Variants in MYOF observed in about 807,000 individuals in gnomAD.
MYOF encodes the protein myoferlin, also known as fer-1-like 3, myoferlin.
A neutral mutation model predicts 284.2 loss-of-function variants in MYOF; 244 were observed. The observed-to-expected ratio is 0.86, with a 90% CI of 0.77 to 0.95. MYOF has a LOEUF of 0.95. MYOF is among the 40% of genes least tolerant of loss of function. The pLI is 0.00. For synonymous variants in MYOF, 904 were observed against 919.7 expected, an observed-to-expected ratio of 0.98 and a Z score of 0.31; for missense variants, 2,496 against 2,560.6, an observed-to-expected ratio of 0.97 and a Z score of 0.54.
chr10:93,356,624 T>C, intron 30 of MYOF, 51 bp downstream of exon 30: 3 of 1,565,666 alleles, frequency 1.9e-6, no homozygotes, highest in South Asian at 2.5e-5. Context: ...CCAACACTCA[T>C]ATATTTTCTC....
At chr10:93,343,820 A>G in intron 38 of MYOF, 36 bp downstream of exon 38, 2 of 1,605,582 alleles carry the variant, frequency 1.2e-6, no homozygotes, top group Admixed American at 1.7e-5. Flanking sequence ...TAGAAGATAA[A>G]ACTGACAGCA....
At chr10:93,328,669 G>A in intron 45 of MYOF, 94 bp downstream of exon 45, 5 of 1,289,992 alleles carry the variant, frequency 3.9e-6, no homozygotes, top group Non-Finnish European at 4.3e-6. Flanking sequence ...GTATAATTAG[G>A]GTACTGGCTC....
chr10:93,382,129 T>C (rs990841780), intron 19 of MYOF, among the ~76,000 whole-genome samples: 4 of 152,224 alleles, frequency 2.6e-5, no homozygotes, highest in Non-Finnish European at 5.9e-5. Flanking sequence ...GGAATATAAC[T>C]CAAATTGTTA....
chr10:93,396,939 T>G (rs902697749), intron 15 of MYOF, among the ~76,000 whole-genome samples: 3 of 152,246 alleles, frequency 2.0e-5, no homozygotes, highest in African/African-American at 7.2e-5. Flanking sequence ...CAAGAAATGC[T>G]TGACTGTATT....
At chr10:93,441,672 T>C (rs2056261641) in intron 3 of MYOF, among the ~76,000 whole-genome samples, 2 of 151,054 alleles carry the variant, frequency 1.3e-5, no homozygotes, top group African/African-American at 4.9e-5. Flanking sequence ...CAAGCGATTC[T>C]CCTACCTCAG....
Position 93,320,045 on chromosome 10 carries a change from A to G in MYOF, c.5457-32T>C, listed in dbSNP as rs772421183. On this transcript the variant is annotated intron_variant, in intron 48 of 53. Coordinates refer to ENST00000359263, the MANE Select transcript of MYOF (RefSeq NM_013451.4). Reference sequence around the variant, plus strand: ...GGCAGAGGCAAACAGACTTAGCTTCACGTGATTGACAAGTCATGTAGCCGC... The same window carrying G: ...GGCAGAGGCAAACAGACTTAGCTTCGCGTGATTGACAAGTCATGTAGCCGC... 5.0e-6 allele frequency: 8 copies of G among 1,611,608 alleles called. No individual in the cohort carries two copies. The Admixed American group carries it at 1.0e-4, about 20-fold the overall frequency.
chr10:93,340,172 T>C lies in MYOF; in HGVS notation c.4327-8A>G, dbSNP rs201261102. 6.2e-6 allele frequency: 10 copies of C among 1,613,918 alleles called. No individual in the cohort carries two copies. The highest frequency in any genetic ancestry group is 1.7e-5 in the Admixed American group (1 of 59,998). On this transcript the variant is annotated splice_polypyrimidine_tract_variant and splice_region_variant and intron_variant, in intron 38 of 53. Transcript: ENST00000359263. ...AGTTACCTTTTCTGTCAGCTGCTCG[T>C]GCACATGTCCCGTGAGGAAGAGGGC...
chr10:93,314,388 C>T (rs1842522022), intron 50 of MYOF, among the ~76,000 whole-genome samples: 4 of 152,176 alleles, frequency 2.6e-5, no homozygotes, highest in Admixed American at 2.0e-4. Context: ...TGTGCCCGGC[C>T]ACATTAACTC....
chr10:93,351,914 C>A, intron 32 of MYOF, 68 bp from the exon 33 acceptor site: 1 of 1,364,750 alleles, frequency 7.3e-7, no homozygotes, highest in Non-Finnish European at 9.9e-7. Context: ...CCACTCAGTG[C>A]AACCATATTC....
At position 93,424,929 on chromosome 10, in the gene MYOF, A is replaced by ATTTT. The variant is rs11376911; in HGVS notation, c.433+1138_433+1141dup. On this transcript the variant is annotated intron_variant, in intron 5 of 53. Coordinates refer to ENST00000359263, the MANE Select transcript of MYOF (RefSeq NM_013451.4). ...ACTTCCTCCCAGGAGGGAGAATTCCATTTTTTTTTTTTTTTTTTTTTTTTT... is the reference window on the plus strand; with the variant it reads ...ACTTCCTCCCAGGAGGGAGAATTCCATTTTTTTTTTTTTTTTTTTTTTTTTTTTT... Among the ~76,000 whole-genome samples the ATTTT allele has an allele frequency of 6.4e-3, 495 of 77,760 alleles. 56 individuals are homozygous for ATTTT. The highest frequency in any genetic ancestry group is 0.021 in the South Asian group (37 of 1,778). The allele number at this position is 77,760 out of a possible 152,430, so 51.0% of individuals were successfully genotyped here.
At chr10:93,335,013 A>T (rs1843530117) in intron 41 of MYOF, among the ~76,000 whole-genome samples, 1 of 152,220 alleles carries the variant, frequency 6.6e-6, no homozygotes, top group South Asian at 2.1e-4. Context: ...ATTATAAAGC[A>T]GATACTTTCC....
At chr10:93,457,719 C>T (rs1383920521) in intron 1 of MYOF, among the ~76,000 whole-genome samples, 1 of 147,810 alleles carries the variant, frequency 6.8e-6, no homozygotes, top group Non-Finnish European at 1.5e-5. Flanking sequence ...AATGCTTTGT[C>T]AGCATTATCT....
chr10:93,448,353 C>A (rs542264047), intron 3 of MYOF, among the ~76,000 whole-genome samples: 1 of 152,182 alleles, frequency 6.6e-6, no homozygotes, highest in Non-Finnish European at 1.5e-5. Context: ...CCTTTCCCCC[C>A]ACCCTTGACA....
At chr10:93,405,856 G>A (rs1007616096) in intron 7 of MYOF, among the ~76,000 whole-genome samples, 8 of 147,234 alleles carry the variant, frequency 5.4e-5, no homozygotes, top group Admixed American at 4.1e-4. Context: ...GGAGTGCAGT[G>A]GCACGATCTT....
intron 3 of MYOF, among the ~76,000 whole-genome samples, chr10:93,441,950 C>T (rs560672659): frequency 2.0e-5 from 3 of 151,184 alleles, no homozygotes; most frequent in South Asian, 4.2e-4. Flanking sequence ...TATATTCCCC[C>T]GAACAACCTC....
At chr10:93,377,281 C>A (rs201851210) in intron 22 of MYOF, 42 bp downstream of exon 22, 2 of 1,318,144 alleles carry the variant, frequency 1.5e-6, no homozygotes, top group South Asian at 1.2e-5. Flanking sequence ...CAGGGAGGAG[C>A]GCCTGGATGA....
intron 2 of MYOF, among the ~76,000 whole-genome samples, chr10:93,454,985 A>AT (rs141593861): frequency 3.4e-5 from 1 of 29,210 alleles, no homozygotes; most frequent in African/African-American, 8.5e-5. Context: ...TCTTTTTTTA[A>AT]TTAAAAAAAA....
intron 48 of MYOF, among the ~76,000 whole-genome samples, chr10:93,321,838 T>C (rs1842854367): frequency 6.6e-6 from 1 of 152,252 alleles, no homozygotes; most frequent in East Asian, 1.9e-4. Flanking sequence ...AATACCCAGC[T>C]GTGTCTAGCA....
chr10:93,332,760 T>C (rs955754780), intron 43 of MYOF, among the ~76,000 whole-genome samples: 4 of 151,972 alleles, frequency 2.6e-5, no homozygotes, highest in Admixed American at 2.0e-4. Flanking sequence ...GGCAGGAGAA[T>C]GGCGTGAACC....
Sources: gnomAD v4.1 joint callset for allele counts (sites outside exome capture counted in the v4.1 genomes callset) on GRCh38, gnomAD v4.1.1 for gene constraint, MANE v1.5 for transcripts, NCBI Gene and HGNC (gene_info 2026-07-23, HGNC 2026-07-21) for gene names.